The following FGF19 variants were observed in gnomAD, a reference collection of about 807,000 sequenced individuals.
FGF19 encodes FGF-19.
A neutral mutation model predicts 8.9 loss-of-function variants in FGF19; 5 were observed. The observed-to-expected ratio is 0.56, with a 90% CI of 0.29 to 1.18. The LOEUF (loss-of-function observed/expected upper bound fraction) is 1.18. Ranked by LOEUF, FGF19 falls within the 50% of genes most tolerant of loss-of-function variation. The probability of loss-of-function intolerance (pLI) is 0.08; values close to 1 mark genes in which losing one functional copy is unlikely to be tolerated. For synonymous variants in FGF19, 124 were observed against 128.0 expected (o/e 0.97, Z 0.21); for missense variants, 237 against 293.9 (o/e 0.81, Z 1.42).
rs1220219975 is a variant in FGF19 at position 69,703,355 on chromosome 11, T to A, written c.242A>T (p.Glu81Val). Reference sequence around the variant, plus strand: ...GGTCCGCAGAGCGACTGCCTTGATCTCCAGCAAACCTAGGCGCAGGGGAAG... The same window carrying A: ...GGTCCGCAGAGCGACTGCCTTGATCACCAGCAAACCTAGGCGCAGGGGAAG... ...ARGQSAHSLL[E>V]IKAVALRTVA... Residue 81 changes from glutamate (E) to valine (V), a missense_variant, in exon 2 of 3, where the codon GAG becomes GTG. Coordinates refer to ENST00000294312, the MANE Select transcript of FGF19 (RefSeq NM_005117.3). This position sits in a 1 kb window ranked among gnomAD's most constrained non-coding sequence, Gnocchi z 6.8. 6.2e-7 allele frequency: 1 copy of A among 1,607,880 alleles called. No individual in the cohort carries two copies. Among genetic ancestry groups the A allele is most frequent in the Non-Finnish European group, 8.5e-7 (1 of 1,177,568 alleles).
Position 69,703,773 on chromosome 11 carries a change from T to C in FGF19, c.104A>G (p.His35Arg). 2 of 1,235,100 alleles carry C rather than the reference T, an allele frequency of 1.6e-6. No homozygotes were observed. The highest frequency in any genetic ancestry group is 2.0e-6 in the Non-Finnish European group (2 of 989,366). 76.5% of individuals were successfully genotyped at this position (1,235,100 alleles called of 1,614,324 possible). Residue 35 changes from histidine to arginine, a missense_variant, in exon 1 of 3, where the codon CAC becomes CGC. Physicochemically the swap from His to Arg is conservative, Grantham distance 29. Coordinates refer to ENST00000294312, the MANE Select transcript of FGF19 (RefSeq NM_005117.3). This position sits in a 1 kb window ranked among gnomAD's most constrained non-coding sequence, Gnocchi z 6.8. Reference protein sequence around the residue: ...LAFSDAGPHVHYGWGDPIRLR... With the variant: ...LAFSDAGPHVRYGWGDPIRLR... ...GCGGATGGGGTCGCCCCAGCCGTAG[T>C]GCACGTGGGGCCCCGCGTCCGAGAA...
chr11:69,703,381 C>T lies in FGF19; in HGVS notation c.233-17G>A. ...CCAGCAAACCTAGGCGCAGGGGAAG[C>T]GAGAAGCTGCAGCAAGGACCGCTGG... On this transcript the variant is annotated splice_polypyrimidine_tract_variant and intron_variant, in intron 1 of 2. Coordinates refer to ENST00000294312, the MANE Select transcript of FGF19 (RefSeq NM_005117.3). The surrounding 1 kb of genome is among the most constrained non-coding windows in gnomAD (Gnocchi z 6.8). 6.9e-6 allele frequency: 11 copies of T among 1,584,784 alleles called. No homozygotes were observed. The highest frequency in any genetic ancestry group is 9.5e-6 in the Non-Finnish European group (11 of 1,163,752).
Position 69,702,275 on chromosome 11 carries a change from A to G in FGF19, c.336+986T>C, listed in dbSNP as rs1291050312. 6.6e-6 allele frequency among the ~76,000 whole-genome samples: 1 copy of G among 152,108 alleles called. No homozygotes were observed. Among genetic ancestry groups the G allele is most frequent in the African/African-American group, 2.4e-5 (1 of 41,424 alleles). On this transcript the variant is annotated intron_variant, in intron 2 of 2. Transcript: ENST00000294312. The surrounding 1 kb of genome is among the most constrained non-coding windows in gnomAD (Gnocchi z 4.6). ...CGGAGCACGGCAGAGGCACCGAGCA[A>G]TTTTGAGACTCTAAAATGCTTTGTC...
At chr11:69,701,965 C>CAAAAAAAAAAAAAAAAAAAAAAAAA (rs59026695) in intron 2 of FGF19, among the ~76,000 whole-genome samples, 1 of 72,906 alleles carries the variant, frequency 1.4e-5, no homozygotes, top group African/African-American at 6.7e-5. Flanking sequence ...AAGACTCTGC[C>CAAAAAAAAAAAAAAAAAAAAAAAAA]AAAAAAAAAA....
chr11:69,703,605 G>T lies in FGF19; in HGVS notation c.232+40C>A. On this transcript the variant is annotated intron_variant, in intron 1 of 2. Coordinates refer to ENST00000294312, the MANE Select transcript of FGF19 (RefSeq NM_005117.3). This position sits in a 1 kb window ranked among gnomAD's most constrained non-coding sequence, Gnocchi z 6.8. The stretch of plus-strand genomic sequence containing the variant: ...TGGGGCGCGCGCAGCGGGGTGGGGT[G>T]CGCGCGGCGGGGCGGGCGGGGGTGC... The T allele has an allele frequency of 9.6e-7, 1 of 1,040,842 alleles. No homozygotes were observed. 64.5% of individuals were successfully genotyped at this position (1,040,842 alleles called of 1,614,324 possible).
At position 69,703,610 on chromosome 11, in the gene FGF19, C is replaced by A. The variant is rs1201748237; in HGVS notation, c.232+35G>T. Reference sequence around the variant, plus strand: ...CGCGCGCAGCGGGGTGGGGTGCGCGCGGCGGGGCGGGCGGGGGTGCTGGCG... The same window carrying A: ...CGCGCGCAGCGGGGTGGGGTGCGCGAGGCGGGGCGGGCGGGGGTGCTGGCG... On this transcript the variant is annotated intron_variant, in intron 1 of 2. Transcript: ENST00000294312. The surrounding 1 kb of genome is among the most constrained non-coding windows in gnomAD (Gnocchi z 6.8). 6.4e-6 allele frequency: 4 copies of A among 622,554 alleles called. No homozygotes were observed. In the East Asian group the frequency reaches 6.4e-4, roughly 100 times the overall value. The allele number at this position is 622,554 out of a possible 1,614,324, so 38.6% of individuals were successfully genotyped here.
Position 69,699,266 on chromosome 11 carries a change from T to TTCTCAAAGCTGGG in FGF19, c.634_646dup (p.Lys216ThrfsTer4). The stretch of plus-strand genomic sequence containing the variant: ...GAGGCCCGGGCATGGTCTCAGTTAC[T>TTCTCAAAGCTGGG]TCTCAAAGCTGGGACTCCTCACGGC... On this transcript the variant is annotated stop_gained and frameshift_variant, in exon 3 of 3. Transcript: ENST00000294312. LOFTEE classifies it high-confidence loss of function. 1 of 1,607,268 alleles carries TTCTCAAAGCTGGG rather than the reference T, an allele frequency of 6.2e-7. No homozygotes were observed.
Position 69,699,509 on chromosome 11 carries a change from C to A in FGF19, c.404G>T (p.Arg135Leu). 1 of 1,614,118 alleles carries A rather than the reference C, an allele frequency of 6.2e-7. No homozygotes were observed. The highest frequency in any genetic ancestry group is 1.3e-5 in the African/African-American group (1 of 75,042). The change falls in exon 3 of 3, where the codon CGA (arginine) becomes CTA (leucine). Residue 135 changes from arginine to leucine, a missense_variant. Physicochemically the swap from Arg to Leu is moderately radical, Grantham distance 102 (BLOSUM62 -2). Transcript: ENST00000294312. ...EIRPDGYNVY[R>L]SEKHRLPVSL... ...GACCGGGAGGCGGTGCTTCTCGGAT[C>A]GGTACACATTGTAGCCATCTGGGCG...
At position 69,699,582 on chromosome 11, in the gene FGF19, G is replaced by T. The variant is rs763273506; in HGVS notation, c.337-6C>A. 1 of 1,599,762 alleles carries T rather than the reference G, an allele frequency of 6.3e-7. No individual in the cohort carries two copies. ...TCTTCCTCCGAGTACTGAAGCTGCAGAGAAAACAGGCAGCTCTGAGCAATC... is the reference window on the plus strand; with the variant it reads ...TCTTCCTCCGAGTACTGAAGCTGCATAGAAAACAGGCAGCTCTGAGCAATC... On this transcript the variant is annotated splice_region_variant and splice_polypyrimidine_tract_variant and intron_variant, in intron 2 of 2. Coordinates refer to ENST00000294312, the MANE Select transcript of FGF19 (RefSeq NM_005117.3).
chr11:69,699,724 G>A (rs902003415), intron 2 of FGF19, 148 bp from the exon 3 acceptor site: 6 of 604,100 alleles, frequency 9.9e-6, no homozygotes, highest in Non-Finnish European at 1.5e-5. Context: ...CATACTTCCT[G>A]ATGTACACAC....
Position 69,703,282 on chromosome 11 carries a change from G to T in FGF19, c.315C>A (p.Ala105=), listed in dbSNP as rs1419810713. 1 of 1,604,702 alleles carries T rather than the reference G, an allele frequency of 6.2e-7. No individual in the cohort carries two copies. ...VHSVRYLCMG[A]DGKMQGLLQY... is the part of the protein sequence containing the mutation. Reference sequence around the variant, plus strand: ...TTACCAGCCCCTGCATCTTGCCGTCGGCGCCCATGCAGAGGTACCGCACGC... The same window carrying T: ...TTACCAGCCCCTGCATCTTGCCGTCTGCGCCCATGCAGAGGTACCGCACGC... The change falls in exon 2 of 3, where the codon GCC becomes GCA. Residue 105 remains alanine, a synonymous_variant. Coordinates refer to ENST00000294312, the MANE Select transcript of FGF19 (RefSeq NM_005117.3). This position sits in a 1 kb window ranked among gnomAD's most constrained non-coding sequence, Gnocchi z 6.8.
In FGF19 at chr11:69,703,495, C is replaced by T; in HGVS notation, c.233-131G>A. ...TTGGGGACTAACGGAGGGATCCTAA[C>T]GTCCAGGTGCCAAAACCTGGGGTTC... is the stretch of plus-strand genomic sequence containing the variant. On this transcript the variant is annotated intron_variant, in intron 1 of 2. Coordinates refer to ENST00000294312, the MANE Select transcript of FGF19 (RefSeq NM_005117.3). The surrounding 1 kb of genome is among the most constrained non-coding windows in gnomAD (Gnocchi z 6.8). 1 of 807,318 alleles carries T rather than the reference C, an allele frequency of 1.2e-6. No homozygotes were observed. The highest frequency in any genetic ancestry group is 1.8e-6 in the Non-Finnish European group (1 of 543,620). 50.0% of individuals were successfully genotyped at this position (807,318 alleles called of 1,614,324 possible).
intron 2 of FGF19, among the ~76,000 whole-genome samples, chr11:69,700,765 C>CG (rs1721590408): frequency 4.7e-5 from 3 of 63,212 alleles, no homozygotes; most frequent in Non-Finnish European, 9.2e-5. Context: ...GCAGCCCCTC[C>CG]CCCAGGCCAG....
intron 2 of FGF19, among the ~76,000 whole-genome samples, chr11:69,700,205 C>T (rs903174434): frequency 4.0e-5 from 6 of 151,700 alleles, no homozygotes; most frequent in Non-Finnish European, 5.9e-5. Flanking sequence ...TAATATATAA[C>T]CCATTAATAA....
rs2119906068 is a variant in FGF19 at position 69,699,476 on chromosome 11, C to A, written c.437G>T (p.Ser146Ile). The A allele has an allele frequency of 6.2e-6, 10 of 1,614,206 alleles. No homozygotes were observed. The highest frequency in any genetic ancestry group is 8.5e-6 in the Non-Finnish European group (10 of 1,180,034). ...SEKHRLPVSL[S>I]SAKQRQLYKN... ...GTACAGCTGCCGCTGTTTGGCACTG[C>A]TCAGGGAGACCGGGAGGCGGTGCTT... Residue 146 changes from serine to isoleucine, a missense_variant, in exon 3 of 3, where the codon AGC becomes ATC. Physicochemically the swap from Ser to Ile is moderately radical, Grantham distance 142. Coordinates refer to ENST00000294312, the MANE Select transcript of FGF19 (RefSeq NM_005117.3).
rs1440951534 is a variant in FGF19 at position 69,702,939 on chromosome 11, G to C, written c.336+322C>G. 1.3e-5 allele frequency among the ~76,000 whole-genome samples: 2 copies of C among 152,122 alleles called. No homozygotes were observed. Among genetic ancestry groups the C allele is most frequent in the African/African-American group, 4.8e-5 (2 of 41,418 alleles). On this transcript the variant is annotated intron_variant, in intron 2 of 2. Transcript: ENST00000294312. This position sits in a 1 kb window ranked among gnomAD's most constrained non-coding sequence, Gnocchi z 4.6. ...GCAGAGGCTGAAAAGGCCCGAGGTG[G>C]GTTTTCCTGTTTAATATCAAAGGAG...
At position 69,702,445 on chromosome 11, in the gene FGF19, G is replaced by T. The variant is rs1425375140; in HGVS notation, c.336+816C>A. ...CCGGGGCTGCGTGTGAGGCCTGCGCGGGCCGAGACCTCACACAGCCTCCTC... is the reference window on the plus strand; with the variant it reads ...CCGGGGCTGCGTGTGAGGCCTGCGCTGGCCGAGACCTCACACAGCCTCCTC... On this transcript the variant is annotated intron_variant, in intron 2 of 2. Transcript: ENST00000294312. This position sits in a 1 kb window ranked among gnomAD's most constrained non-coding sequence, Gnocchi z 4.6. Among the ~76,000 whole-genome samples the T allele has an allele frequency of 6.6e-6, 1 of 151,986 alleles. No homozygotes were observed. Among genetic ancestry groups the T allele is most frequent in the African/African-American group, 2.4e-5 (1 of 41,384 alleles).
rs1277691739 is a variant in FGF19, at chr11:69,699,248, G to C, written c.*14C>G. On this transcript the variant is annotated 3_prime_UTR_variant, in exon 3 of 3. Transcript: ENST00000294312. Reference sequence around the variant, plus strand: ...GCCCCTGGCAGCAGTGAAGAGGCCCGGGCATGGTCTCAGTTACTTCTCAAA... The same window carrying C: ...GCCCCTGGCAGCAGTGAAGAGGCCCCGGCATGGTCTCAGTTACTTCTCAAA... 19 of 1,589,742 alleles carry C rather than the reference G, an allele frequency of 1.2e-5. No individual in the cohort carries two copies. Among genetic ancestry groups the C allele is most frequent in the Admixed American group, 1.7e-5 (1 of 58,158 alleles).
At position 69,698,865 on chromosome 11, in the gene FGF19, C is replaced by T. The variant is rs1195253381; in HGVS notation, c.*397G>A. The stretch of plus-strand genomic sequence containing the variant: ...CCTGTTCCTGAAATTAAAACTACTG[C>T]CTGTCTTCTGGCTGCTCCTGGGGAA... On this transcript the variant is annotated 3_prime_UTR_variant, in exon 3 of 3. Coordinates refer to ENST00000294312, the MANE Select transcript of FGF19 (RefSeq NM_005117.3). 4.1e-6 allele frequency: 1 copy of T among 245,616 alleles called. No individual in the cohort carries two copies. Among genetic ancestry groups the T allele is most frequent in the East Asian group, 6.3e-5 (1 of 15,870 alleles). The allele number at this position is 245,616 out of a possible 1,614,324, so 15.2% of individuals were successfully genotyped here. A position where few individuals can be genotyped will look rare whatever the true frequency, so the allele number is the denominator to read the frequency against.
Sources: gnomAD v4.1 joint callset for allele counts (sites outside exome capture counted in the v4.1 genomes callset) on GRCh38, gnomAD v4.1.1 for gene constraint, Gnocchi (gnomAD v3.1) non-coding constraint, MANE v1.5 for transcripts, NCBI Gene and HGNC (gene_info 2026-07-23, HGNC 2026-07-21) for gene names.